The following CRTC3 variants were observed in gnomAD, a reference collection of about 807,000 sequenced individuals.
CRTC3 encodes CREB-regulated transcription coactivator 3.
CRTC3 carries 26 observed loss-of-function variants against 74.5 expected under a neutral mutation model. The observed-to-expected ratio is 0.35, with a 90% CI of 0.26 to 0.48. The LOEUF (loss-of-function observed/expected upper bound fraction) is 0.48. Ranked by LOEUF, CRTC3 falls within the 20% of genes least tolerant of loss-of-function variation. CRTC3 has a pLI of 0.99. For synonymous variants in CRTC3, 377 were observed against 325.8 expected (o/e 1.16, Z -1.69); for missense variants, 760 against 787.3 (o/e 0.97, Z 0.41).
intron 2 of CRTC3, among the ~76,000 whole-genome samples, chr15:90,545,608 AC>A (rs1282288858): frequency 2.9e-4 from 33 of 114,348 alleles, no homozygotes; most frequent in South Asian, 2.8e-4. Context: ...ATGGAGTCTC[AC>A]TCTTTCGCCC....
At chr15:90,610,252 T>C (rs887625544) in intron 6 of CRTC3, among the ~76,000 whole-genome samples, 1 of 152,180 alleles carries the variant, frequency 6.6e-6, no homozygotes, top group African/African-American at 2.4e-5. Context: ...CAAAGAAAGA[T>C]TTAAACAGTG....
chr15:90,639,856 GC>G (rs1003674853), intron 13 of CRTC3, among the ~76,000 whole-genome samples: 1 of 151,412 alleles, frequency 6.6e-6, no homozygotes, highest in African/African-American at 2.4e-5. Context: ...GACCATCCTG[GC>G]TAACACGGTG....
intron 2 of CRTC3, among the ~76,000 whole-genome samples, chr15:90,553,829 T>C (rs1567163799): frequency 6.6e-6 from 1 of 152,342 alleles, no homozygotes; most frequent in South Asian, 2.1e-4. Context: ...TTGGAAGAGA[T>C]GGGAATGTTT....
intron 11 of CRTC3, among the ~76,000 whole-genome samples, chr15:90,631,526 G>C (rs1969037373): frequency 6.6e-6 from 1 of 152,018 alleles, no homozygotes; most frequent in Non-Finnish European, 1.5e-5. Flanking sequence ...GTAGGAGTTT[G>C]AGTCCAGCCT....
chr15:90,546,266 T>C (rs1966844169), intron 2 of CRTC3, among the ~76,000 whole-genome samples: 1 of 152,228 alleles, frequency 6.6e-6, no homozygotes, highest in East Asian at 1.9e-4. Context: ...CATAGGGATG[T>C]TAAATTGTTC....
intron 11 of CRTC3, among the ~76,000 whole-genome samples, chr15:90,632,136 T>A (rs1969061576): frequency 6.6e-6 from 1 of 152,056 alleles, no homozygotes; most frequent in Admixed American, 6.6e-5. Context: ...CCATAATTAT[T>A]GTTTTCGTGG....
chr15:90,576,955 A>C (rs1967419786), intron 2 of CRTC3, among the ~76,000 whole-genome samples: 1 of 152,172 alleles, frequency 6.6e-6, no homozygotes, highest in Non-Finnish European at 1.5e-5. Context: ...GAATAGGATG[A>C]TGCAGCAAGT....
chr15:90,639,075 G>A (rs899103888), intron 13 of CRTC3, among the ~76,000 whole-genome samples: 2 of 152,150 alleles, frequency 1.3e-5, no homozygotes, highest in African/African-American at 4.8e-5. Context: ...TTGTAGAACT[G>A]TAAAATCATG....
intron 2 of CRTC3, among the ~76,000 whole-genome samples, chr15:90,548,692 T>C (rs1966848848): frequency 1.3e-5 from 2 of 152,234 alleles, no homozygotes; most frequent in Admixed American, 6.5e-5. Flanking sequence ...ATTGAGTATG[T>C]GCTATGTGCC....
chr15:90,612,946 C>A lies in CRTC3; in HGVS notation c.578-1507C>A, dbSNP rs558477819. Among the ~76,000 whole-genome samples, 288 of 152,212 alleles carry A rather than the reference C, an allele frequency of 1.9e-3. 1 individual carries two copies. The highest frequency in any genetic ancestry group is 6.5e-3 in the African/African-American group (269 of 41,528). On this transcript the variant is annotated intron_variant, in intron 6 of 14. Coordinates refer to ENST00000268184, the MANE Select transcript of CRTC3 (RefSeq NM_022769.5). Reference sequence around the variant, plus strand: ...GGGCGTGGTGGCTCACACCTGTAATCCCAGCACTTTGGGAGGCTGAGGCAG... The same window carrying A: ...GGGCGTGGTGGCTCACACCTGTAATACCAGCACTTTGGGAGGCTGAGGCAG...
chr15:90,641,056 CAG>C (rs773599694), intron 13 of CRTC3, 39 bp from the exon 14 acceptor site: 13 of 1,320,764 alleles, frequency 9.8e-6, no homozygotes, highest in South Asian at 8.3e-5. Flanking sequence ...TCCTTGGAAA[CAG>C]AGGTGTGGCC....
At chr15:90,586,194 C>T (rs746801467) in intron 2 of CRTC3, among the ~76,000 whole-genome samples, 1 of 152,042 alleles carries the variant, frequency 6.6e-6, no homozygotes, top group African/African-American at 2.4e-5. Flanking sequence ...TAAGAGTTGT[C>T]TTATGTAGAA....
intron 2 of CRTC3, among the ~76,000 whole-genome samples, chr15:90,588,017 G>A (rs112336328): frequency 2.0e-5 from 3 of 151,784 alleles, no homozygotes; most frequent in East Asian, 2.0e-4. Flanking sequence ...GGAGGCCGAG[G>A]GGGGTGGATC....
intron 2 of CRTC3, among the ~76,000 whole-genome samples, chr15:90,546,901 G>C (rs1460715900): frequency 2.0e-5 from 3 of 152,140 alleles, no homozygotes; most frequent in Non-Finnish European, 4.4e-5. Context: ...GGGATTACAG[G>C]CGTGAGCCAC....
chr15:90,547,729 A>G (rs529298078), intron 2 of CRTC3, among the ~76,000 whole-genome samples: 2 of 152,216 alleles, frequency 1.3e-5, no homozygotes, highest in Admixed American at 1.3e-4. Context: ...AGCGAGGGCT[A>G]GGGCTGTCTC....
intron 2 of CRTC3, among the ~76,000 whole-genome samples, chr15:90,541,833 A>G (rs1966808199): frequency 7.6e-6 from 1 of 131,972 alleles, no homozygotes; most frequent in South Asian, 2.4e-4. Context: ...TCGCCCAGGC[A>G]GGAGTGCAGT....
At chr15:90,591,545 A>G (rs1314354650) in intron 2 of CRTC3, among the ~76,000 whole-genome samples, 1 of 152,186 alleles carries the variant, frequency 6.6e-6, no homozygotes, top group African/African-American at 2.4e-5. Context: ...GTAATTGTGC[A>G]GTGGCTCAGG....
chr15:90,540,035 C>A lies in CRTC3; in HGVS notation c.133-4C>A. ...TCAGCGTTCTTAAATCACTTTGTTT[C>A]CAGGTTCAATTTCAGAAGCTTCAGC... On this transcript the variant is annotated splice_region_variant and splice_polypyrimidine_tract_variant and intron_variant, in intron 1 of 14. Transcript: ENST00000268184. 6.2e-7 allele frequency: 1 copy of A among 1,607,298 alleles called. No individual in the cohort carries two copies. Among genetic ancestry groups the A allele is most frequent in the Non-Finnish European group, 8.5e-7 (1 of 1,174,170 alleles).
chr15:90,536,119 AC>A (rs1422472236), intron 1 of CRTC3, among the ~76,000 whole-genome samples: 5 of 151,584 alleles, frequency 3.3e-5, no homozygotes, highest in Admixed American at 2.6e-4. Flanking sequence ...TTATTTTTAG[AC>A]TCTTTTCTGT....
Sources: allele counts gnomAD v4.1 joint callset (sites outside exome capture counted in the v4.1 genomes callset), GRCh38; gene constraint gnomAD v4.1.1; transcripts MANE v1.5; gene names NCBI Gene and HGNC (gene_info 2026-07-23, HGNC 2026-07-21).